NIBAN1: variants seen among roughly 807,000 people sequenced by gnomAD.
NIBAN1 encodes niban apoptosis regulator 1.
NIBAN1 carries 81 observed loss-of-function variants against 75.1 expected under a neutral mutation model. That is an observed-to-expected ratio of 1.08 (90% confidence interval 0.90 to 1.30). The LOEUF (loss-of-function observed/expected upper bound fraction) is 1.30, where lower values mean the gene tolerates loss of function less well. NIBAN1 is among the 50% of genes most tolerant of loss of function. The pLI is 0.00. For missense variants in NIBAN1, 1,133 were observed against 1,128.1 expected, an observed-to-expected ratio of 1.00 and a Z score of -0.06; for synonymous variants, 436 against 424.8, an observed-to-expected ratio of 1.03 and a Z score of -0.32.
At chr1:184,916,503 C>T (rs1198306898) in intron 1 of NIBAN1, among the ~76,000 whole-genome samples, 2 of 151,830 alleles carry the variant, frequency 1.3e-5, no homozygotes, top group Non-Finnish European at 2.9e-5. Context: ...AAAAAAAATC[C>T]AATTCATTAA....
At chr1:184,917,704 C>T (rs866068573) in intron 1 of NIBAN1, among the ~76,000 whole-genome samples, 2 of 143,598 alleles carry the variant, frequency 1.4e-5, no homozygotes, top group Non-Finnish European at 3.2e-5. Flanking sequence ...AAAAGGAAGA[C>T]CCCCCCAATA....
At chr1:184,821,776 G>A (rs1477115020) in intron 8 of NIBAN1, among the ~76,000 whole-genome samples, 1 of 152,138 alleles carries the variant, frequency 6.6e-6, no homozygotes, top group Non-Finnish European at 1.5e-5. Flanking sequence ...TACTAATGGA[G>A]GAATAAGAGA....
chr1:184,810,371 C>T (rs545653704), intron 9 of NIBAN1, among the ~76,000 whole-genome samples: 82 of 152,224 alleles, frequency 5.4e-4, no homozygotes, highest in African/African-American at 1.9e-3. Context: ...TGGTGGGGCC[C>T]GAGAATTTGC....
chr1:184,818,338 G>A, intron 9 of NIBAN1, among the ~76,000 whole-genome samples: 1 of 152,200 alleles, frequency 6.6e-6, no homozygotes, highest in East Asian at 1.9e-4. Context: ...GTGGGTATCA[G>A]TGATGGTGAC....
chr1:184,913,154 T>TGATATATA (rs1553227228), intron 1 of NIBAN1, among the ~76,000 whole-genome samples: 1 of 146,652 alleles, frequency 6.8e-6, no homozygotes, highest in Non-Finnish European at 1.5e-5. Flanking sequence ...TATATATATA[T>TGATATATA]TATATATATA....
intron 4 of NIBAN1, among the ~76,000 whole-genome samples, chr1:184,885,556 ACTGACAAC>A (rs1411504738): frequency 6.6e-6 from 1 of 152,104 alleles, no homozygotes; most frequent in Non-Finnish European, 1.5e-5. Context: ...TCTGCAGGCC[ACTGACAAC>A]CTGTGCACCC....
chr1:184,851,786 T>C (rs1439242973), intron 5 of NIBAN1, among the ~76,000 whole-genome samples: 2 of 152,106 alleles, frequency 1.3e-5, no homozygotes, highest in Admixed American at 1.3e-4. Flanking sequence ...GCTCAAAGTT[T>C]ATGAAATGTT....
At chr1:184,934,927 G>A (rs764383039) in intron 1 of NIBAN1, among the ~76,000 whole-genome samples, 24 of 152,096 alleles carry the variant, frequency 1.6e-4, no homozygotes, top group Middle Eastern at 3.4e-3. Context: ...AAAATTAGCC[G>A]GGCATGGTGG....
intron 5 of NIBAN1, chr1:184,868,486 T>C (rs1656015173): frequency 6.6e-6 from 1 of 152,198 alleles, no homozygotes; most frequent in Admixed American, 6.5e-5. Context: ...CCAAGAAAAT[T>C]CTAGCTTTGG....
At chr1:184,900,435 A>G (rs1390766914) in intron 1 of NIBAN1, among the ~76,000 whole-genome samples, 1 of 152,202 alleles carries the variant, frequency 6.6e-6, no homozygotes, top group Non-Finnish European at 1.5e-5. Flanking sequence ...ATTTCTTTGG[A>G]TCTGCATGCC....
chr1:184,920,126 C>T (rs1385306508), intron 1 of NIBAN1, among the ~76,000 whole-genome samples: 1 of 152,118 alleles, frequency 6.6e-6, no homozygotes, highest in East Asian at 1.9e-4. Context: ...AGGAAACCTA[C>T]AAGACGTGTA....
intron 5 of NIBAN1, among the ~76,000 whole-genome samples, chr1:184,837,205 C>A (rs1655166369): frequency 6.6e-6 from 1 of 152,178 alleles, no homozygotes; most frequent in Non-Finnish European, 1.5e-5. Flanking sequence ...TGCCAATAAG[C>A]AAATTGAGAG....
At chr1:184,974,163 G>T (rs1320659782) in intron 1 of NIBAN1, 139 bp downstream of exon 1, 18 of 897,976 alleles carry the variant, frequency 2.0e-5, no homozygotes, top group Non-Finnish European at 2.1e-5. Flanking sequence ...AACCCGACTC[G>T]CGCGGGCGGG....
intron 1 of NIBAN1, among the ~76,000 whole-genome samples, chr1:184,957,050 C>T (rs1364948513): frequency 6.6e-6 from 1 of 152,222 alleles, no homozygotes; most frequent in Admixed American, 6.5e-5. Flanking sequence ...TGCTGGTAAA[C>T]TGGGTCTCAA....
chr1:184,964,533 T>C (rs1188626678), intron 1 of NIBAN1, among the ~76,000 whole-genome samples: 2 of 152,204 alleles, frequency 1.3e-5, no homozygotes, highest in South Asian at 4.1e-4. Context: ...TTCTCTATTC[T>C]CTGTAAACCT....
intron 5 of NIBAN1, among the ~76,000 whole-genome samples, chr1:184,836,896 A>C (rs1257817892): frequency 6.6e-6 from 1 of 152,254 alleles, no homozygotes. Context: ...CTTTTAGAAC[A>C]AATCTGCTAC....
intron 5 of NIBAN1, among the ~76,000 whole-genome samples, chr1:184,841,386 G>A (rs1227625646): frequency 1.3e-5 from 2 of 152,142 alleles, no homozygotes; most frequent in Admixed American, 6.5e-5. Flanking sequence ...AATATAACAG[G>A]AACAAGAATG....
chr1:184,948,762 A>C (rs1658290127), intron 1 of NIBAN1, among the ~76,000 whole-genome samples: 1 of 152,166 alleles, frequency 6.6e-6, no homozygotes, highest in Admixed American at 6.5e-5. Flanking sequence ...GTGGCAGTAT[A>C]CCGATTTGTA....
chr1:184,819,688 G>A, intron 8 of NIBAN1, among the ~76,000 whole-genome samples: 1 of 152,190 alleles, frequency 6.6e-6, no homozygotes, highest in East Asian at 1.9e-4. Flanking sequence ...CTAGCCTTGT[G>A]GATTGAGGCA....
Sources: gnomAD v4.1 joint callset for allele counts (sites outside exome capture counted in the v4.1 genomes callset) on GRCh38, gnomAD v4.1.1 for gene constraint, MANE v1.5 for transcripts, NCBI Gene and HGNC (gene_info 2026-07-23, HGNC 2026-07-21) for gene names.